Variants in ULK4 observed in about 807,000 individuals in gnomAD.
ULK4 encodes the protein inactive serine/threonine-protein kinase ULK4.
Under a neutral mutation model 160.6 loss-of-function variants are expected in ULK4, and 133 were observed. That is an observed-to-expected ratio of 0.83 (90% CI 0.72 to 0.96). The LOEUF (loss-of-function observed/expected upper bound fraction) is 0.96, where lower values mean the gene tolerates loss of function less well. ULK4 is among the 40% of genes least tolerant of loss of function. The pLI is 0.00. For missense variants in ULK4, 1,580 were observed against 1,499.5 expected, an observed-to-expected ratio of 1.05 and a Z score of -0.89; for synonymous variants, 534 against 539.8, an observed-to-expected ratio of 0.99 and a Z score of 0.15.
chr3:41,504,007 A>G (rs1018956681), intron 32 of ULK4, among the ~76,000 whole-genome samples: 1 of 151,972 alleles, frequency 6.6e-6, no homozygotes, highest in African/African-American at 2.4e-5. Flanking sequence ...AACAAAACAA[A>G]AACAACAAAA....
chr3:41,869,949 T>C (rs1156683965), intron 17 of ULK4, among the ~76,000 whole-genome samples: 1 of 152,210 alleles, frequency 6.6e-6, no homozygotes, highest in Middle Eastern at 3.2e-3. Context: ...TTCCCTTTTA[T>C]TGTTGACAGT....
In ULK4 at chr3:41,378,298, A is replaced by C. The variant is rs573224942; in HGVS notation, c.3678+19781T>G. 3.3e-4 allele frequency among the ~76,000 whole-genome samples: 50 copies of C among 151,398 alleles called. 1 individual carries two copies. The highest frequency in any genetic ancestry group is 9.2e-4 in the Admixed American group (14 of 15,192). ...TAGATGACGAGTTAGTGGGTGCAGC[A>C]CACCAGCATGGCACATGTATACATA... On this transcript the variant is annotated intron_variant, in intron 35 of 36. Transcript: ENST00000301831.
chr3:41,631,054 A>G (rs1451491093), intron 30 of ULK4, among the ~76,000 whole-genome samples: 1 of 152,202 alleles, frequency 6.6e-6, no homozygotes, highest in South Asian at 2.1e-4. Context: ...TCAAAAAGAA[A>G]CAGTTTCATA....
chr3:41,374,587 C>A (rs748556199), intron 35 of ULK4, among the ~76,000 whole-genome samples: 1 of 152,028 alleles, frequency 6.6e-6, no homozygotes, highest in Non-Finnish European at 1.5e-5. Context: ...AAATTCAACA[C>A]CTCTTCATGC....
At chr3:41,479,918 A>G (rs1022016207) in intron 32 of ULK4, among the ~76,000 whole-genome samples, 27 of 152,210 alleles carry the variant, frequency 1.8e-4, no homozygotes, top group Non-Finnish European at 2.6e-4. Flanking sequence ...ATATAAAAGT[A>G]TCATACAGAC....
At chr3:41,407,981 C>G (rs1380552317) in intron 34 of ULK4, among the ~76,000 whole-genome samples, 1 of 152,104 alleles carries the variant, frequency 6.6e-6, no homozygotes, top group African/African-American at 2.4e-5. Context: ...TAAACAAGTT[C>G]ATCAAGGTTG....
chr3:41,757,580 C>G (rs1028056451), intron 21 of ULK4, among the ~76,000 whole-genome samples: 1 of 144,614 alleles, frequency 6.9e-6, no homozygotes, highest in Non-Finnish European at 1.5e-5. Flanking sequence ...TTCAGTGAGC[C>G]GATATCGTGC....
intron 31 of ULK4, among the ~76,000 whole-genome samples, chr3:41,568,393 T>C (rs2087857696): frequency 6.6e-6 from 1 of 152,248 alleles, no homozygotes; most frequent in Non-Finnish European, 1.5e-5. Flanking sequence ...ATTCTCCTAA[T>C]ATACTTCTAG....
chr3:41,616,869 A>C (rs1034392247), intron 30 of ULK4, among the ~76,000 whole-genome samples: 6 of 152,202 alleles, frequency 3.9e-5, no homozygotes, highest in Non-Finnish European at 8.8e-5. Context: ...GAGCCCAGCA[A>C]GCTAAGAACC....
In ULK4 at chr3:41,742,953, A is replaced by T. The variant is rs141525251; in HGVS notation, c.2321+11408T>A. On this transcript the variant is annotated intron_variant, in intron 22 of 36. Coordinates refer to ENST00000301831, the MANE Select transcript of ULK4 (RefSeq NM_017886.4). ...AGAAAAAATAGACAAAAGAAAAAAA[A>T]TAGAGTCTCAGGGATCAGTAGGAGA... Among the ~76,000 whole-genome samples the T allele has an allele frequency of 4.6e-5, 7 of 152,040 alleles. No individual in the cohort carries two copies. The South Asian group carries it at 1.2e-3, about 27-fold the overall frequency.
chr3:41,768,498 C>A (rs927408000), intron 21 of ULK4, among the ~76,000 whole-genome samples: 1 of 152,130 alleles, frequency 6.6e-6, no homozygotes, highest in African/African-American at 2.4e-5. Context: ...TCTTGGAACT[C>A]TGCCACCATG....
rs1265566598 is a variant in ULK4, at chr3:41,296,044, C to A, written c.3679-46470G>T. Among the ~76,000 whole-genome samples, 6 of 152,116 alleles carry A rather than the reference C, an allele frequency of 3.9e-5. No homozygotes were observed. In the South Asian group the frequency reaches 1.0e-3, roughly 26 times the overall value. ...AGATGACTGAATAAACTGTGGTATA[C>A]CCAGATAATGAATTATTACTCAGCG... On this transcript the variant is annotated intron_variant, in intron 35 of 36. Coordinates refer to ENST00000301831, the MANE Select transcript of ULK4 (RefSeq NM_017886.4).
At chr3:41,289,620 T>C (rs1301106304) in intron 35 of ULK4, among the ~76,000 whole-genome samples, 2 of 152,028 alleles carry the variant, frequency 1.3e-5, no homozygotes, top group South Asian at 2.1e-4. Flanking sequence ...GAACCCTGGG[T>C]TGAAGGTGGC....
chr3:41,534,790 C>T (rs6599159), intron 32 of ULK4, among the ~76,000 whole-genome samples: 10,243 of 152,192 alleles, frequency 0.067, 1,026 homozygotes, highest in African/African-American at 0.22. Context: ...CTACACCTTA[C>T]ACTCAATGCA....
chr3:41,635,463 AAT>A (rs2033916632), intron 30 of ULK4, among the ~76,000 whole-genome samples: 1 of 152,030 alleles, frequency 6.6e-6, no homozygotes, highest in African/African-American at 2.4e-5. Flanking sequence ...TAAATATATT[AAT>A]GTTACATTTA....
At chr3:41,700,944 T>G (rs2036653858) in intron 27 of ULK4, among the ~76,000 whole-genome samples, 1 of 150,520 alleles carries the variant, frequency 6.6e-6, no homozygotes, top group Admixed American at 6.6e-5. Flanking sequence ...AAATGAAAAA[T>G]AACCAAAATT....
At chr3:41,324,490 A>T (rs1441112590) in intron 35 of ULK4, among the ~76,000 whole-genome samples, 1 of 152,240 alleles carries the variant, frequency 6.6e-6, no homozygotes, top group Non-Finnish European at 1.5e-5. Context: ...TGCCAGGAAA[A>T]GAAAATATGA....
chr3:41,712,034 G>A lies in ULK4; in HGVS notation c.2634+3203C>T, dbSNP rs137971734. Among the ~76,000 whole-genome samples the A allele has an allele frequency of 4.4e-3, 673 of 152,228 alleles. 2 individuals carry two copies. Among genetic ancestry groups the A allele is most frequent in the African/African-American group, 0.016 (653 of 41,542 alleles). ...CAGGAGTGTTTCAAAGCTTGATAAT[G>A]GTTTAAAATTACTCTGCTGAATTGT... On this transcript the variant is annotated intron_variant, in intron 25 of 36. Transcript: ENST00000301831.
intron 21 of ULK4, among the ~76,000 whole-genome samples, chr3:41,769,112 A>G (rs2039266111): frequency 6.6e-6 from 1 of 152,248 alleles, no homozygotes; most frequent in African/African-American, 2.4e-5. Context: ...AAGGAATTAC[A>G]TAGCTTTATT....
Sources: allele counts gnomAD v4.1 joint callset (sites outside exome capture counted in the v4.1 genomes callset), GRCh38; gene constraint gnomAD v4.1.1; transcripts MANE v1.5; gene names NCBI Gene and HGNC (gene_info 2026-07-23, HGNC 2026-07-21).